Variants in ZNF226 observed in about 807,000 individuals in gnomAD.
ZNF226 encodes Kruppel-associated box protein.
Under a neutral mutation model 11.4 loss-of-function variants are expected in ZNF226, and 6 were observed. That is an observed-to-expected ratio of 0.53 (90% confidence interval 0.29 to 1.04). The LOEUF is 1.04. Among genes scored for constraint, ZNF226 ranks in the 50% least tolerant of loss-of-function variants. The pLI, the probability that ZNF226 is intolerant of heterozygous loss-of-function variation, is 0.08. For missense variants in ZNF226, 1,058 were observed against 956.5 expected, an observed-to-expected ratio of 1.11 and a Z score of -1.40; for synonymous variants, 350 against 322.8, an observed-to-expected ratio of 1.08 and a Z score of -0.90.
chr19:44,197,068 T>C, the ZNF226 span, among the ~76,000 whole-genome samples: 21,362 of 152,174 alleles, frequency 0.14, 3,825 homozygotes, highest in African/African-American at 0.41. Flanking sequence ...TATATCCTTT[T>C]GTGTCTCTGT....
chr19:44,166,877 C>T (rs1414377044), intron 2 of ZNF226: 2 of 152,132 alleles, frequency 1.3e-5, no homozygotes, highest in African/African-American at 4.8e-5. Flanking sequence ...TCAACAAGAT[C>T]CCAAGGTGAG....
chr19:44,193,797 T>C, the ZNF226 span, among the ~76,000 whole-genome samples: 14 of 152,154 alleles, frequency 9.2e-5, no homozygotes, highest in Admixed American at 7.9e-4. Flanking sequence ...GCTTAGAGAG[T>C]TTAAATAATT....
chr19:44,189,885 A>G, the ZNF226 span, among the ~76,000 whole-genome samples: 1 of 152,204 alleles, frequency 6.6e-6, no homozygotes, highest in African/African-American at 2.4e-5. Flanking sequence ...CATGACCCAC[A>G]AATCAGGCAT....
In ZNF226 at chr19:44,175,544, A is replaced by G. The variant is rs1220712961; in HGVS notation, c.282A>G (p.Ser94=). Residue 94 remains serine, a synonymous_variant, in exon 6 of 6, where the codon TCA becomes TCG. Coordinates refer to ENST00000337433, the MANE Select transcript of ZNF226 (RefSeq NM_001032373.2). ...SKLITVQDRE[S]EEELSCWQIW... ...TAATTACTGTTCAAGACAGAGAATCAGAAGAAGAGCTTTCTTGTTGGCAAA... is the reference window on the plus strand; with the variant it reads ...TAATTACTGTTCAAGACAGAGAATCGGAAGAAGAGCTTTCTTGTTGGCAAA... The G allele has an allele frequency of 9.9e-6, 16 of 1,611,434 alleles. No individual in the cohort carries two copies. Among genetic ancestry groups the G allele is most frequent in the Admixed American group, 1.7e-5 (1 of 59,520 alleles).
intron 5 of ZNF226, 60 bp downstream of exon 5, chr19:44,173,012 T>C: frequency 2.7e-6 from 4 of 1,488,370 alleles, no homozygotes; most frequent in Non-Finnish European, 3.7e-6. Flanking sequence ...TGCTTCTTCT[T>C]AGCCTTGTTG....
At chr19:44,183,175 G>A (rs933864447), downstream of ZNF226, among the ~76,000 whole-genome samples, 6 of 152,156 alleles carry the variant, frequency 3.9e-5, no homozygotes, top group African/African-American at 1.4e-4. Context: ...TTGATTACTG[G>A]TCACTAGAGC....
the ZNF226 span, among the ~76,000 whole-genome samples, chr19:44,198,341 T>G: frequency 6.6e-6 from 1 of 152,360 alleles, no homozygotes; most frequent in Non-Finnish European, 1.5e-5. Context: ...ACCAAAAAAC[T>G]GCTGAGAATT....
Position 44,176,850 on chromosome 19 carries a change from C to T in ZNF226, c.1588C>T (p.Pro530Ser), listed in dbSNP as rs780988862. ...VHLVVHTGEK[P>S]YKCEICGKGF... is the part of the protein sequence containing the mutation. ...TCTAGTGGTCCACACAGGAGAGAAACCCTATAAATGTGAGATATGTGGGAA... is the reference window on the plus strand; with the variant it reads ...TCTAGTGGTCCACACAGGAGAGAAATCCTATAAATGTGAGATATGTGGGAA... The change falls in exon 6 of 6, where the codon CCC becomes TCC. Residue 530 changes from proline (P) to serine (S), a missense_variant. Pro to Ser is a moderately conservative substitution (Grantham distance 74, BLOSUM62 -1). Coordinates refer to ENST00000337433, the MANE Select transcript of ZNF226 (RefSeq NM_001032373.2). The T allele has an allele frequency of 6.2e-7, 1 of 1,614,004 alleles. No individual in the cohort carries two copies. Among genetic ancestry groups the T allele is most frequent in the South Asian group, 1.1e-5 (1 of 91,078 alleles).
At chr19:44,173,056 C>G in intron 5 of ZNF226, 104 bp downstream of exon 5, 1 of 1,066,416 alleles carries the variant, frequency 9.4e-7, no homozygotes, top group African/African-American at 1.6e-5. Context: ...ACTGTCTTTC[C>G]TGGATTATTG....
At position 44,170,044 on chromosome 19, in the gene ZNF226, T is replaced by G; in HGVS notation, c.-37T>G. On this transcript the variant is annotated 5_prime_UTR_variant, in exon 3 of 6. Coordinates refer to ENST00000337433, the MANE Select transcript of ZNF226 (RefSeq NM_001032373.2). ...CTCTCTTCTTTCCTAGTTCAGCTTC[T>G]TAGGACTCTGCACTTCCCCAGAAGG... 6.2e-7 allele frequency: 1 copy of G among 1,602,932 alleles called. No individual in the cohort carries two copies. The highest frequency in any genetic ancestry group is 8.5e-7 in the Non-Finnish European group (1 of 1,174,172).
chr19:44,178,670 A>G (rs2122532498), downstream of ZNF226, among the ~76,000 whole-genome samples: 1 of 152,288 alleles, frequency 6.6e-6, no homozygotes, highest in African/African-American at 2.4e-5. Flanking sequence ...TTGGAAGAGA[A>G]GTTAGTATGT....
chr19:44,189,509 TATCTC>T, the ZNF226 span, among the ~76,000 whole-genome samples: 1 of 152,220 alleles, frequency 6.6e-6, no homozygotes, highest in Non-Finnish European at 1.5e-5. Flanking sequence ...TGTCATCTGA[TATCTC>T]ATGACTGGGT....
At chr19:44,194,804 T>C in the ZNF226 span, among the ~76,000 whole-genome samples, 2 of 152,314 alleles carry the variant, frequency 1.3e-5, no homozygotes, top group East Asian at 3.9e-4. Context: ...AAAAGATATT[T>C]TCCCTTTTCC....
Position 44,176,193 on chromosome 19 carries a change from G to A in ZNF226, c.931G>A (p.Glu311Lys). Residue 311 changes from glutamate to lysine, a missense_variant, in exon 6 of 6, where the codon GAG becomes AAG. Glu to Lys is a moderately conservative substitution (Grantham distance 56). Coordinates refer to ENST00000337433, the MANE Select transcript of ZNF226 (RefSeq NM_001032373.2). ...VHVGEKLKCD[E>K]CGKEFSQGAH... ...TGTGGGAGAAAAACTTAAGTGTGAT[G>A]AGTGTGGTAAGGAATTCAGTCAGGG... 1 of 1,614,144 alleles carries A rather than the reference G, an allele frequency of 6.2e-7. No homozygotes were observed. Among genetic ancestry groups the A allele is most frequent in the South Asian group, 1.1e-5 (1 of 91,086 alleles).
At chr19:44,182,232 A>G (rs953183050), downstream of ZNF226, among the ~76,000 whole-genome samples, 6 of 152,176 alleles carry the variant, frequency 3.9e-5, no homozygotes, top group African/African-American at 9.6e-5. Flanking sequence ...CCTTGGCACA[A>G]CTGACATTTT....
intron 2 of ZNF226, chr19:44,167,671 T>C (rs995308868): frequency 2.0e-5 from 3 of 152,136 alleles, no homozygotes; most frequent in African/African-American, 7.2e-5. Flanking sequence ...GCAAAAATGA[T>C]AACGTAAGGA....
rs184807553 is a variant in ZNF226 at position 44,170,711 on chromosome 19, G to T, written c.15+616G>T. 8.9e-4 allele frequency among the ~76,000 whole-genome samples: 135 copies of T among 152,250 alleles called. 1 individual carries two copies. The highest frequency in any genetic ancestry group is 3.4e-3 in the Middle Eastern group (1 of 294). On this transcript the variant is annotated intron_variant, in intron 3 of 5. Coordinates refer to ENST00000337433, the MANE Select transcript of ZNF226 (RefSeq NM_001032373.2). ...ATCGTACCACTGCACTCCAGCCAGG[G>T]TGACAGAGCGAGACTCCGTCTCAAA...
the ZNF226 span, among the ~76,000 whole-genome samples, chr19:44,191,177 T>C: frequency 6.6e-6 from 1 of 152,210 alleles, no homozygotes; most frequent in Non-Finnish European, 1.5e-5. Flanking sequence ...AAACTTGTAT[T>C]TAAGAGTACT....
In ZNF226 at chr19:44,177,404, T is replaced by C. The variant is rs201536922; in HGVS notation, c.2142T>C (p.Leu714=). The C allele has an allele frequency of 3.3e-5, 53 of 1,614,100 alleles. No individual in the cohort carries two copies. In the African/African-American group the frequency reaches 4.0e-4, roughly 12 times the overall value. The change falls in exon 6 of 6, where the codon CTT becomes CTC. Residue 714 remains leucine (L), a synonymous_variant. Coordinates refer to ENST00000337433, the MANE Select transcript of ZNF226 (RefSeq NM_001032373.2). Reference sequence around the variant, plus strand: ...AGTACTTCAGTCAGGCCTCAAGTCTTCAACTTCATCAGAGTGTCCACACAG... The same window carrying C: ...AGTACTTCAGTCAGGCCTCAAGTCTCCAACTTCATCAGAGTGTCCACACAG... ...CGKYFSQASS[L]QLHQSVHTGE... is the part of the protein sequence containing the mutation.
Sources: allele counts gnomAD v4.1 joint callset (sites outside exome capture counted in the v4.1 genomes callset), GRCh38; gene constraint gnomAD v4.1.1; transcripts MANE v1.5; gene names NCBI Gene and HGNC (gene_info 2026-07-23, HGNC 2026-07-21).